The following PAMR1 variants were observed in gnomAD, a reference collection of about 807,000 sequenced individuals.
The protein encoded by PAMR1 is inactive serine protease PAMR1.
In PAMR1, 88 loss-of-function variants were observed where a neutral mutation model predicts 81.8. The observed-to-expected ratio is 1.08, with a 90% CI of 0.91 to 1.28. The LOEUF is 1.28. Ranked by LOEUF, PAMR1 falls within the 50% of genes most tolerant of loss-of-function variation. The pLI, the probability that PAMR1 is intolerant of heterozygous loss-of-function variation, is 0.00. For synonymous variants in PAMR1, 336 were observed against 345.3 expected, an observed-to-expected ratio of 0.97 and a Z score of 0.30; for missense variants, 935 against 919.7, an observed-to-expected ratio of 1.02 and a Z score of -0.21.
intron 6 of PAMR1, among the ~76,000 whole-genome samples, chr11:35,456,122 A>C (rs1381780663): frequency 1.3e-5 from 2 of 152,242 alleles, no homozygotes; most frequent in Non-Finnish European, 2.9e-5. Context: ...AAGAGTAGGG[A>C]GAATAAATAC....
chr11:35,451,776 C>G, intron 6 of PAMR1: 1 of 552,922 alleles, frequency 1.8e-6, no homozygotes, highest in Non-Finnish European at 3.2e-6. Context: ...GAGGGTGGAG[C>G]CCTCATGAAC....
chr11:35,521,828 A>G (rs1461671469), intron 1 of PAMR1, among the ~76,000 whole-genome samples: 1 of 152,176 alleles, frequency 6.6e-6, no homozygotes, highest in African/African-American at 2.4e-5. Flanking sequence ...CCTGGGCTCC[A>G]CTACTCTGCC....
intron 1 of PAMR1, among the ~76,000 whole-genome samples, chr11:35,509,350 C>G (rs532213091): frequency 7.2e-5 from 11 of 152,080 alleles, no homozygotes; most frequent in African/African-American, 2.7e-4. Flanking sequence ...TTTTTTTTCC[C>G]CTTGATCATA....
rs1199696687 is a variant in PAMR1, at chr11:35,434,613, G to C, written c.1525C>G (p.Leu509Val). The C allele has an allele frequency of 1.2e-6, 2 of 1,613,932 alleles. No individual in the cohort carries two copies. The highest frequency in any genetic ancestry group is 1.7e-6 in the Non-Finnish European group (2 of 1,180,020). ...GTCTTGATCATGGTGACCTTCCCCA[G>C]GTCAGTAACACAGTGGGCAGCCACC... is the stretch of plus-strand genomic sequence containing the variant. Reference protein sequence around the residue: ...VVVAAHCVTDLGKVTMIKTAD... With the variant: ...VVVAAHCVTDVGKVTMIKTAD... The change falls in exon 10 of 11, where the codon CTG (leucine) becomes GTG (valine). Residue 509 changes from leucine (L) to valine (V), a missense_variant. By Grantham distance (32) the Leu-to-Val change is conservative. Coordinates refer to ENST00000619888, the MANE Select transcript of PAMR1 (RefSeq NM_001001991.3).
chr11:35,452,025 G>A, intron 6 of PAMR1: 2 of 488,962 alleles, frequency 4.1e-6, no homozygotes, highest in South Asian at 3.6e-5. Context: ...CAGAAGGCAA[G>A]ACTGAAAATC....
At chr11:35,488,116 T>C (rs1850544942) in intron 3 of PAMR1, among the ~76,000 whole-genome samples, 1 of 152,138 alleles carries the variant, frequency 6.6e-6, no homozygotes, top group Admixed American at 6.5e-5. Context: ...CAGTTAGTCT[T>C]ACTCTAATAT....
chr11:35,468,038 G>C lies in PAMR1; in HGVS notation c.783C>G (p.Ala261=), dbSNP rs1326917271. 62 of 1,562,764 alleles carry C rather than the reference G, an allele frequency of 4.0e-5. No individual in the cohort carries two copies. Among genetic ancestry groups the C allele is most frequent in the Non-Finnish European group, 5.3e-5 (61 of 1,151,922 alleles). ...VLDKAGSYKC[A]CLAGYTGQRC... is the part of the protein sequence containing the mutation. Reference sequence around the variant, plus strand: ...GCTGCCCAGTATAGCCTGCCAAGCAGGCACACTTGTAAGATCCAGCCTTGT... The same window carrying C: ...GCTGCCCAGTATAGCCTGCCAAGCACGCACACTTGTAAGATCCAGCCTTGT... Residue 261 remains alanine, a synonymous_variant, in exon 6 of 11, where the codon GCC becomes GCG. Transcript: ENST00000619888.
rs773764970 is a variant in PAMR1, at chr11:35,494,089, C to T, written c.250+7G>A. 1.2e-6 allele frequency: 2 copies of T among 1,612,638 alleles called. No homozygotes were observed. Among genetic ancestry groups the T allele is most frequent in the Non-Finnish European group, 1.7e-6 (2 of 1,178,822 alleles). Reference sequence around the variant, plus strand: ...AGGCAACCTGAAGTCTCCCATTCCACACTCACCTGGGTGGATCAGGCAGGA... The same window carrying T: ...AGGCAACCTGAAGTCTCCCATTCCATACTCACCTGGGTGGATCAGGCAGGA... On this transcript the variant is annotated splice_region_variant and intron_variant, in intron 2 of 10. Transcript: ENST00000619888.
chr11:35,450,129 C>CAAAAAAAAAA lies in PAMR1; in HGVS notation c.821-8446_821-8437dup, dbSNP rs60887441. On this transcript the variant is annotated intron_variant, in intron 6 of 10. Coordinates refer to ENST00000619888, the MANE Select transcript of PAMR1 (RefSeq NM_001001991.3). Reference sequence around the variant, plus strand: ...AGAAACTTACTTGGCTGCCTCCAGGCAAAAAAAAAAAAAAAAAAAAAAAAA... The same window carrying CAAAAAAAAAA: ...AGAAACTTACTTGGCTGCCTCCAGGCAAAAAAAAAAAAAAAAAAAAAAAAAAAAAAAAAAA... Among the ~76,000 whole-genome samples, 15 of 43,050 alleles carry CAAAAAAAAAA rather than the reference C, an allele frequency of 3.5e-4. 1 individual carries two copies. The highest frequency in any genetic ancestry group is 4.5e-4 in the Non-Finnish European group (12 of 26,848). The allele number at this position is 43,050 out of a possible 152,430, so 28.2% of individuals were successfully genotyped here.
At chr11:35,470,947 G>A (rs1856844374) in intron 4 of PAMR1, 129 bp from the exon 5 acceptor site, 2 of 668,982 alleles carry the variant, frequency 3.0e-6, no homozygotes, top group Non-Finnish European at 5.3e-6. Context: ...GATCGGATAG[G>A]AAAATGGTCC....
chr11:35,520,509 T>C (rs1397457894), intron 1 of PAMR1, among the ~76,000 whole-genome samples: 2 of 152,208 alleles, frequency 1.3e-5, no homozygotes, highest in East Asian at 1.9e-4. Context: ...TGGAATCTAA[T>C]AGAGTTTCTG....
At chr11:35,512,268 A>G (rs1851087616) in intron 1 of PAMR1, among the ~76,000 whole-genome samples, 1 of 152,146 alleles carries the variant, frequency 6.6e-6, no homozygotes, top group Admixed American at 6.5e-5. Flanking sequence ...CTCTACACCC[A>G]GCACCCACTA....
rs538807614 is a variant in PAMR1, at chr11:35,446,032, G to C, written c.821-4339C>G. ...AGAACTAGTTATTGGTCTATTCAGG[G>C]ATTCAAATTCTTCCTGGTTCAGTCC... On this transcript the variant is annotated intron_variant, in intron 6 of 10. Coordinates refer to ENST00000619888, the MANE Select transcript of PAMR1 (RefSeq NM_001001991.3). Among the ~76,000 whole-genome samples, 8 of 152,254 alleles carry C rather than the reference G, an allele frequency of 5.3e-5. No homozygotes were observed. The East Asian group carries it at 1.2e-3, about 22-fold the overall frequency.
chr11:35,475,028 T>C (rs1850261221), intron 3 of PAMR1, among the ~76,000 whole-genome samples: 1 of 152,172 alleles, frequency 6.6e-6, no homozygotes, highest in South Asian at 2.1e-4. Context: ...ATAAATAACT[T>C]GTCTAGCCGC....
intron 6 of PAMR1, among the ~76,000 whole-genome samples, chr11:35,458,384 T>G (rs1042657655): frequency 2.0e-5 from 3 of 152,228 alleles, no homozygotes; most frequent in Non-Finnish European, 4.4e-5. Flanking sequence ...CCCTGCTTGC[T>G]TTCAGAAAGA....
At chr11:35,510,563 T>C (rs1046041659) in intron 1 of PAMR1, among the ~76,000 whole-genome samples, 1 of 147,932 alleles carries the variant, frequency 6.8e-6, no homozygotes, top group East Asian at 2.0e-4. Flanking sequence ...ATAAGGAAAT[T>C]AAAGGTATTC....
At chr11:35,523,637 G>A (rs2135429499) in intron 1 of PAMR1, among the ~76,000 whole-genome samples, 1 of 152,340 alleles carries the variant, frequency 6.6e-6, no homozygotes, top group Admixed American at 6.5e-5. Flanking sequence ...ACGCTTCCAA[G>A]CTTTTCTTGC....
intron 3 of PAMR1, among the ~76,000 whole-genome samples, chr11:35,477,538 G>A (rs993966254): frequency 6.6e-6 from 1 of 152,188 alleles, no homozygotes; most frequent in African/African-American, 2.4e-5. Context: ...ATTTTCCCTA[G>A]CCGTGCAGCC....
intron 3 of PAMR1, among the ~76,000 whole-genome samples, chr11:35,482,721 G>A (rs530371410): frequency 1.3e-5 from 2 of 152,254 alleles, no homozygotes; most frequent in South Asian, 2.1e-4. Flanking sequence ...TTGAGCAGTG[G>A]TTTGTAGTTC....
Sources: allele counts gnomAD v4.1 joint callset (sites outside exome capture counted in the v4.1 genomes callset), GRCh38; gene constraint gnomAD v4.1.1; transcripts MANE v1.5; gene names NCBI Gene and HGNC (gene_info 2026-07-23, HGNC 2026-07-21).